The following ZNF726 variants were observed in gnomAD, a reference collection of about 807,000 sequenced individuals.
The protein encoded by ZNF726 is zinc finger protein 726.
In ZNF726, 15 loss-of-function variants were observed where a neutral mutation model predicts 11.6. That is an observed-to-expected ratio of 1.29 (90% CI 0.86 to 1.99). The LOEUF is 1.99. Among genes scored for constraint, ZNF726 ranks in the 30% most tolerant of loss-of-function variants. The pLI is 0.00. For missense variants in ZNF726, 890 were observed against 725.6 expected (o/e 1.23, Z -2.60); for synonymous variants, 295 against 243.6 (o/e 1.21, Z -1.96).
intron 4 of ZNF726, chr19:23,944,368 C>A (rs1020690710): frequency 5.3e-5 from 8 of 152,090 alleles, no homozygotes; most frequent in African/African-American, 1.9e-4. Flanking sequence ...TGAGTAGATA[C>A]CCAATGATGA....
intron 3 of ZNF726, among the ~76,000 whole-genome samples, chr19:23,943,325 G>A (rs1260560403): frequency 6.6e-6 from 1 of 152,244 alleles, no homozygotes; most frequent in Non-Finnish European, 1.5e-5. Flanking sequence ...CAGAGCTACA[G>A]ACCCAGAAAT....
At chr19:23,929,629 C>G (rs1010589589) in intron 3 of ZNF726, among the ~76,000 whole-genome samples, 1 of 152,080 alleles carries the variant, frequency 6.6e-6, no homozygotes, top group Non-Finnish European at 1.5e-5. Flanking sequence ...ATGGGCAAAC[C>G]ATATCATCTT....
chr19:23,919,681 G>C lies in ZNF726; in HGVS notation c.130+182G>C, dbSNP rs115405621. The stretch of plus-strand genomic sequence containing the variant: ...CCTGACCTGAAATTTCCACATTCCT[G>C]AGCTGATCTGTGTCTTTCGCTTTAG... On this transcript the variant is annotated intron_variant, in intron 2 of 3. Coordinates refer to ENST00000594466, the MANE Select transcript of ZNF726 (RefSeq NM_001244038.2). 3.0e-3 allele frequency: 2,194 copies of C among 724,748 alleles called. 43 individuals are homozygous for C. In the African/African-American group the frequency reaches 0.036, roughly 12 times the overall value. 44.9% of individuals were successfully genotyped at this position (724,748 alleles called of 1,614,324 possible).
Position 23,933,077 on chromosome 19 carries a change from G to C in ZNF726, c.961G>C (p.Ala321Pro). The C allele has an allele frequency of 3.1e-6, 5 of 1,612,290 alleles. No individual in the cohort carries two copies. The highest frequency in any genetic ancestry group is 4.2e-6 in the Non-Finnish European group (5 of 1,179,952). ...KPYKCEECGK[A>P]FVWSSTLTRH... Reference sequence around the variant, plus strand: ...CTACAAATGTGAAGAATGTGGCAAAGCATTTGTTTGGTCCTCAACCCTAAC... The same window carrying C: ...CTACAAATGTGAAGAATGTGGCAAACCATTTGTTTGGTCCTCAACCCTAAC... The change falls in exon 4 of 4, where the codon GCA becomes CCA. Residue 321 changes from alanine to proline, a missense_variant. Coordinates refer to ENST00000594466, the MANE Select transcript of ZNF726 (RefSeq NM_001244038.2).
At chr19:23,939,675 G>T (rs758676916) in intron 3 of ZNF726, among the ~76,000 whole-genome samples, 1 of 151,946 alleles carries the variant, frequency 6.6e-6, no homozygotes, top group Non-Finnish European at 1.5e-5. Flanking sequence ...CTGCATCCAC[G>T]CCAACATCTA....
chr19:23,931,205 C>A (rs1331825972), intron 3 of ZNF726, among the ~76,000 whole-genome samples: 18 of 152,194 alleles, frequency 1.2e-4, no homozygotes, highest in Non-Finnish European at 2.5e-4. Context: ...ATCTCCTGAC[C>A]TCATGATCCA....
chr19:23,916,519 C>T (rs113006015), intron 1 of ZNF726, among the ~76,000 whole-genome samples: 414 of 152,118 alleles, frequency 2.7e-3, no homozygotes, highest in Non-Finnish European at 4.7e-3. Context: ...TTAGTAGAGA[C>T]GGGGTTTCAC....
chr19:23,939,785 C>T (rs912063482), intron 3 of ZNF726, among the ~76,000 whole-genome samples: 3 of 147,896 alleles, frequency 2.0e-5, no homozygotes, highest in African/African-American at 7.5e-5. Flanking sequence ...TGATGTTGAA[C>T]TTTTTAAATG....
intron 1 of ZNF726, among the ~76,000 whole-genome samples, chr19:23,916,375 G>A (rs1267780582): frequency 6.6e-6 from 1 of 151,294 alleles, no homozygotes; most frequent in Admixed American, 6.6e-5. Flanking sequence ...TTGCAGTGCA[G>A]TGGCTGGAGT....
At chr19:23,937,592 C>CG (rs554089235), downstream of ZNF726, among the ~76,000 whole-genome samples, 26,127 of 149,990 alleles carry the variant, frequency 0.17, 2,327 homozygotes, top group East Asian at 0.21. Flanking sequence ...GGGATGGCGG[C>CG]CGGGAAGAGG....
At chr19:23,938,690 C>T (rs912383783), downstream of ZNF726, among the ~76,000 whole-genome samples, 4 of 144,968 alleles carry the variant, frequency 2.8e-5, no homozygotes, top group Non-Finnish European at 5.9e-5. Flanking sequence ...TCATTGCAAT[C>T]TCTGCCTTTC....
At chr19:23,917,793 A>G (rs1967741029) in intron 1 of ZNF726, among the ~76,000 whole-genome samples, 1 of 152,212 alleles carries the variant, frequency 6.6e-6, no homozygotes, top group Non-Finnish European at 1.5e-5. Flanking sequence ...CGTTATATGA[A>G]CACCGAGGAA....
At position 23,933,430 on chromosome 19, in the gene ZNF726, A is replaced by G; in HGVS notation, c.1314A>G (p.Ser438=). The G allele has an allele frequency of 3.7e-6, 6 of 1,612,630 alleles. No individual in the cohort carries two copies. Among genetic ancestry groups the G allele is most frequent in the Non-Finnish European group, 5.1e-6 (6 of 1,179,626 alleles). ...GCGGCAAAGCGTTTATATGGTCCTC[A>G]AACCTTACTGAACATAAGAAAATTC... The part of the protein sequence containing the change: ...EECGKAFIWS[S]NLTEHKKIHT... Residue 438 remains serine, a synonymous_variant, in exon 4 of 4, where the codon TCA becomes TCG. Coordinates refer to ENST00000594466, the MANE Select transcript of ZNF726 (RefSeq NM_001244038.2).
At chr19:23,915,597 T>A (rs1036511879) in intron 1 of ZNF726, among the ~76,000 whole-genome samples, 1 of 152,112 alleles carries the variant, frequency 6.6e-6, no homozygotes, top group Non-Finnish European at 1.5e-5. Context: ...ATTTTCTTTT[T>A]TTTTTGAGGC....
downstream of ZNF726, among the ~76,000 whole-genome samples, chr19:23,936,390 C>CA (rs925849279): frequency 2.0e-5 from 3 of 151,888 alleles, no homozygotes; most frequent in Non-Finnish European, 2.9e-5. Flanking sequence ...CAAAGTATAA[C>CA]TTTTTTTTGA....
intron 2 of ZNF726, chr19:23,919,743 A>G (rs565059917): frequency 3.5e-5 from 17 of 489,162 alleles, no homozygotes; most frequent in Non-Finnish European, 5.5e-5. Flanking sequence ...GGCATAAAAT[A>G]TTGTTATTCA....
chr19:23,919,168 T>A (rs2144959614), intron 1 of ZNF726: 1 of 685,166 alleles, frequency 1.5e-6, no homozygotes, highest in East Asian at 4.0e-5. Flanking sequence ...ACACTGATGT[T>A]CTGGATATTA....
downstream of ZNF726, among the ~76,000 whole-genome samples, chr19:23,937,136 G>C (rs1244210874): frequency 6.7e-6 from 1 of 150,044 alleles, no homozygotes; most frequent in Non-Finnish European, 1.5e-5. Flanking sequence ...CGGGCGGGGG[G>C]GCTGACCCCC....
intron 1 of ZNF726, among the ~76,000 whole-genome samples, chr19:23,918,425 A>G (rs1967757954): frequency 6.6e-6 from 1 of 152,230 alleles, no homozygotes; most frequent in Non-Finnish European, 1.5e-5. Context: ...AAAAAAGGCC[A>G]CTTAAAATCA....
Sources: allele counts gnomAD v4.1 joint callset (sites outside exome capture counted in the v4.1 genomes callset), GRCh38; gene constraint gnomAD v4.1.1; transcripts MANE v1.5; gene names NCBI Gene and HGNC (gene_info 2026-07-23, HGNC 2026-07-21).